LIPH: variants seen among roughly 807,000 people sequenced by gnomAD.
The protein encoded by LIPH is lipase member H.
In LIPH, 32 loss-of-function variants were observed where a neutral mutation model predicts 47.6. The ratio of observed to expected loss-of-function variants is 0.67; its 90% CI spans 0.51 to 0.90. The LOEUF is 0.90. Ranked by LOEUF, LIPH falls within the 40% of genes least tolerant of loss-of-function variation. LIPH has a pLI of 0.00. For synonymous variants in LIPH, 190 were observed against 195.6 expected, an observed-to-expected ratio of 0.97 and a Z score of 0.24; for missense variants, 497 against 541.4, an observed-to-expected ratio of 0.92 and a Z score of 0.81.
rs572093277 is a variant in LIPH at position 185,540,143 on chromosome 3, T to G, written c.50-5011A>C. On this transcript the variant is annotated intron_variant, in intron 1 of 9. Transcript: ENST00000296252. Reference sequence around the variant, plus strand: ...GAAGCCTCCCTCTGCCTATTCCCACTCCCTCCTCCTTTATCCTTCACACTT... The same window carrying G: ...GAAGCCTCCCTCTGCCTATTCCCACGCCCTCCTCCTTTATCCTTCACACTT... Among the ~76,000 whole-genome samples the G allele has an allele frequency of 1.6e-4, 25 of 152,200 alleles. 1 individual carries two copies. The Middle Eastern group carries it at 0.014, about 83-fold the overall frequency.
intron 1 of LIPH, among the ~76,000 whole-genome samples, chr3:185,551,543 A>T (rs1721049492): frequency 6.6e-6 from 1 of 152,206 alleles, no homozygotes; most frequent in South Asian, 2.1e-4. Context: ...TGTATGTAGA[A>T]ACATTTTGGT....
Position 185,550,588 on chromosome 3 carries a change from G to T in LIPH, c.49+1835C>A, listed in dbSNP as rs1027843132. On this transcript the variant is annotated intron_variant, in intron 1 of 9. Transcript: ENST00000296252. Reference sequence around the variant, plus strand: ...ATTTATATTATTATATATTTTTTTTGAGATGGAGTCTCACTTTGTTGCCCA... The same window carrying T: ...ATTTATATTATTATATATTTTTTTTTAGATGGAGTCTCACTTTGTTGCCCA... 2.6e-5 allele frequency among the ~76,000 whole-genome samples: 4 copies of T among 151,704 alleles called. No individual in the cohort carries two copies. The East Asian group carries it at 5.8e-4, about 22-fold the overall frequency.
chr3:185,549,174 C>T lies in LIPH; in HGVS notation c.49+3249G>A, dbSNP rs144552575. Among the ~76,000 whole-genome samples the T allele has an allele frequency of 1.4e-4, 22 of 151,808 alleles. No homozygotes were observed. In the East Asian group the frequency reaches 2.3e-3, roughly 16 times the overall value. On this transcript the variant is annotated intron_variant, in intron 1 of 9. Transcript: ENST00000296252. The stretch of plus-strand genomic sequence containing the variant: ...ATATTTGTTTCTTTTTTACCCTGGG[C>T]GGAGACAGGCAAGAAGCATATGGGC...
At chr3:185,519,048 A>T in intron 6 of LIPH, 94 bp downstream of exon 6, 1 of 1,075,944 alleles carries the variant, frequency 9.3e-7, no homozygotes, top group Non-Finnish European at 1.4e-6. Context: ...TAATACAATT[A>T]TGGGGCCAGT....
chr3:185,543,620 C>G (rs531118800), intron 1 of LIPH, among the ~76,000 whole-genome samples: 1 of 152,216 alleles, frequency 6.6e-6, no homozygotes, highest in Non-Finnish European at 1.5e-5. Flanking sequence ...TGGACTTACG[C>G]CTGTAATCCC....
intron 4 of LIPH, among the ~76,000 whole-genome samples, chr3:185,524,832 A>G (rs1720018161): frequency 6.6e-6 from 1 of 152,204 alleles, no homozygotes; most frequent in Non-Finnish European, 1.5e-5. Context: ...ACTAATAAAT[A>G]GGATACAGGA....
In LIPH at chr3:185,524,169, G is replaced by T. The variant is rs769930698; in HGVS notation, c.629-9C>A. The stretch of plus-strand genomic sequence containing the variant: ...CTCCTTGTAGCCCAGTGCTAAAAGA[G>T]AACACATTCTGCTTTTATACTCCTT... On this transcript the variant is annotated splice_polypyrimidine_tract_variant and intron_variant, in intron 4 of 9. Coordinates refer to ENST00000296252, the MANE Select transcript of LIPH (RefSeq NM_139248.3). 1.3e-6 allele frequency: 2 copies of T among 1,537,900 alleles called. No homozygotes were observed. The highest frequency in any genetic ancestry group is 1.8e-6 in the Non-Finnish European group (2 of 1,110,546).
chr3:185,533,242 G>A (rs1467876535), intron 3 of LIPH, among the ~76,000 whole-genome samples: 1 of 152,102 alleles, frequency 6.6e-6, no homozygotes, highest in Non-Finnish European at 1.5e-5. Context: ...AGGGTCTCCT[G>A]GATTAAATAA....
rs764473746 is a variant in LIPH at position 185,508,863 on chromosome 3, C to T, written c.1283G>A (p.Arg428Gln). 10 of 1,611,998 alleles carry T rather than the reference C, an allele frequency of 6.2e-6. No homozygotes were observed. The highest frequency in any genetic ancestry group is 7.6e-6 in the Non-Finnish European group (9 of 1,178,318). ...LAHPERPQLC[R>Q]YDLVLMENVE... Reference sequence around the variant, plus strand: ...GTTTTCCATCAGGACAAGATCATACCGACACAGCTGAGGCCTGGGAAAATA... The same window carrying T: ...GTTTTCCATCAGGACAAGATCATACTGACACAGCTGAGGCCTGGGAAAATA... The change falls in exon 10 of 10, where the codon CGG becomes CAG. Residue 428 changes from arginine (R) to glutamine (Q), a missense_variant. Arg to Gln is a conservative substitution (Grantham distance 43). Coordinates refer to ENST00000296252, the MANE Select transcript of LIPH (RefSeq NM_139248.3).
At chr3:185,513,364 T>C (rs1473509469) in intron 8 of LIPH, among the ~76,000 whole-genome samples, 1 of 147,658 alleles carries the variant, frequency 6.8e-6, no homozygotes, top group Non-Finnish European at 1.5e-5. Context: ...AAGATGTAAA[T>C]GTTCAAAAGA....
intron 3 of LIPH, among the ~76,000 whole-genome samples, chr3:185,531,303 T>G (rs1720323035): frequency 6.6e-6 from 1 of 150,816 alleles, no homozygotes; most frequent in South Asian, 2.1e-4. Flanking sequence ...TCCCAGCACT[T>G]TGGGAGGCTG....
At chr3:185,516,205 G>A in intron 7 of LIPH, among the ~76,000 whole-genome samples, 1 of 152,126 alleles carries the variant, frequency 6.6e-6, no homozygotes, top group East Asian at 1.9e-4. Context: ...GGCCAAGGCA[G>A]GCAGATCACC....
chr3:185,527,217 C>T lies in LIPH; in HGVS notation c.628+267G>A, dbSNP rs181922117. 1.1e-3 allele frequency among the ~76,000 whole-genome samples: 162 copies of T among 151,704 alleles called. 1 individual carries two copies. Among genetic ancestry groups the T allele is most frequent in the African/African-American group, 3.8e-3 (155 of 41,322 alleles). On this transcript the variant is annotated intron_variant, in intron 4 of 9. Coordinates refer to ENST00000296252, the MANE Select transcript of LIPH (RefSeq NM_139248.3). ...TTGCGCCACTGCACTCCAGCCTGGG[C>T]GACAGAGCGAGACTCTGTCTCAAAA...
At chr3:185,515,878 A>T (rs1210182874) in intron 7 of LIPH, among the ~76,000 whole-genome samples, 2 of 152,110 alleles carry the variant, frequency 1.3e-5, no homozygotes, top group Non-Finnish European at 2.9e-5. Flanking sequence ...GGAAGTTCAC[A>T]CCTGTAATCC....
At chr3:185,532,725 G>C (rs934661545) in intron 3 of LIPH, among the ~76,000 whole-genome samples, 1 of 152,128 alleles carries the variant, frequency 6.6e-6, no homozygotes, top group Non-Finnish European at 1.5e-5. Flanking sequence ...GGGAGGTGGA[G>C]GTTGCAGTGA....
At chr3:185,547,525 T>C (rs576448799) in intron 1 of LIPH, among the ~76,000 whole-genome samples, 80 of 152,210 alleles carry the variant, frequency 5.3e-4, no homozygotes, top group Non-Finnish European at 9.1e-4. Flanking sequence ...TGAAAGTATT[T>C]ACTGAAGGCA....
At chr3:185,535,916 T>C (rs148308354) in intron 1 of LIPH, among the ~76,000 whole-genome samples, 60 of 152,320 alleles carry the variant, frequency 3.9e-4, no homozygotes, top group Middle Eastern at 3.4e-3. Context: ...AAAATCATAT[T>C]TGATCCAGAG....
intron 5 of LIPH, among the ~76,000 whole-genome samples, chr3:185,520,500 G>C (rs1205676393): frequency 6.6e-6 from 1 of 151,270 alleles, no homozygotes; most frequent in Non-Finnish European, 1.5e-5. Flanking sequence ...CTGGGCGATA[G>C]AGCAAGACTC....
chr3:185,514,442 T>C lies in LIPH; in HGVS notation c.1062A>G (p.Lys354=). The stretch of plus-strand genomic sequence containing the variant: ...TTTTGGATTCTGTGGTGTTTCCAGC[T>C]TTGTCTCTCAATTTGATGGTAATGT... ...RGDITIKLRD[K]AGNTTESKIN... The change falls in exon 8 of 10, where the codon AAA becomes AAG. Residue 354 remains lysine, a synonymous_variant. Coordinates refer to ENST00000296252, the MANE Select transcript of LIPH (RefSeq NM_139248.3). 1 of 1,580,294 alleles carries C rather than the reference T, an allele frequency of 6.3e-7. No homozygotes were observed. Among genetic ancestry groups the C allele is most frequent in the Non-Finnish European group, 8.7e-7 (1 of 1,149,160 alleles).
Sources: gnomAD v4.1 joint callset for allele counts (sites outside exome capture counted in the v4.1 genomes callset) on GRCh38, gnomAD v4.1.1 for gene constraint, MANE v1.5 for transcripts, NCBI Gene and HGNC (gene_info 2026-07-23, HGNC 2026-07-21) for gene names.